The following PLXDC2 variants were observed in gnomAD, a reference collection of about 807,000 sequenced individuals.
The protein encoded by PLXDC2 is plexin domain containing 2.
Under a neutral mutation model 68.9 loss-of-function variants are expected in PLXDC2, and 40 were observed. That is an observed-to-expected ratio of 0.58 (90% CI 0.45 to 0.76). The LOEUF (loss-of-function observed/expected upper bound fraction) is 0.76, where lower values mean the gene tolerates loss of function less well. Among genes scored for constraint, PLXDC2 ranks in the 30% least tolerant of loss-of-function variants. The probability of loss-of-function intolerance (pLI) is 0.00; values close to 1 mark genes in which losing one functional copy is unlikely to be tolerated. For missense variants in PLXDC2, 644 were observed against 661.9 expected (o/e 0.97, Z 0.30); for synonymous variants, 243 against 234.2 (o/e 1.04, Z -0.34).
In PLXDC2 at chr10:20,285,967, A is replaced by C. The variant is rs559392269; in HGVS notation, c.*6148A>C. 3 of 152,348 alleles carry C rather than the reference A, an allele frequency of 2.0e-5. No individual in the cohort carries two copies. Among genetic ancestry groups the C allele is most frequent in the African/African-American group, 7.2e-5 (3 of 41,590 alleles). The allele number at this position is 152,348 out of a possible 1,614,324, so 9.4% of individuals were successfully genotyped here. ...AACTTAAATTGTAATACATCTGCCT[A>C]ATTATTGTCTGGAATAACTTTTCAA... is the stretch of plus-strand genomic sequence containing the variant. On this transcript the variant is annotated 3_prime_UTR_variant, in exon 14 of 14. Coordinates refer to ENST00000377252, the MANE Select transcript of PLXDC2 (RefSeq NM_032812.9).
At chr10:19,946,402 C>T (rs1182789769) in intron 1 of PLXDC2, among the ~76,000 whole-genome samples, 1 of 152,116 alleles carries the variant, frequency 6.6e-6, no homozygotes, top group East Asian at 1.9e-4. Flanking sequence ...GAAACCTTTC[C>T]CTCCCCTGAC....
intron 4 of PLXDC2, among the ~76,000 whole-genome samples, chr10:20,096,059 T>A (rs1833345244): frequency 1.3e-5 from 2 of 152,204 alleles, no homozygotes; most frequent in Non-Finnish European, 1.5e-5. Context: ...TTCTTCTTCT[T>A]CTTTTCAAGA....
At chr10:20,254,786 C>T (rs1235033317) in intron 13 of PLXDC2, among the ~76,000 whole-genome samples, 1 of 152,084 alleles carries the variant, frequency 6.6e-6, no homozygotes, top group African/African-American at 2.4e-5. Context: ...AAAAGAGACA[C>T]TCTATGTATG....
At chr10:20,034,834 C>T (rs916987774) in intron 2 of PLXDC2, among the ~76,000 whole-genome samples, 3 of 152,190 alleles carry the variant, frequency 2.0e-5, no homozygotes, top group African/African-American at 7.2e-5. Context: ...AGTACAGTAA[C>T]CAGCTGTGCA....
rs144267539 is a variant in PLXDC2 at position 20,081,055 on chromosome 10, C to T, written c.541+12816C>T. Among the ~76,000 whole-genome samples the T allele has an allele frequency of 5.1e-3, 775 of 152,230 alleles. 14 individuals carry two copies. Among genetic ancestry groups the T allele is most frequent in the African/African-American group, 0.018 (730 of 41,540 alleles). ...TCCCAGTGAAGATGTGTGAAACTCC[C>T]GGATGGCTCTGCTGGAGCAAGGGAA... On this transcript the variant is annotated intron_variant, in intron 4 of 13. Coordinates refer to ENST00000377252, the MANE Select transcript of PLXDC2 (RefSeq NM_032812.9).
intron 9 of PLXDC2, among the ~76,000 whole-genome samples, chr10:20,191,507 C>G (rs1834764295): frequency 6.6e-6 from 1 of 151,114 alleles, no homozygotes; most frequent in Non-Finnish European, 1.5e-5. Flanking sequence ...ATGCCCTCAT[C>G]AGAATTATTC....
rs149646929 is a variant in PLXDC2, at chr10:19,951,994, C to T, written c.113-49781C>T. Among the ~76,000 whole-genome samples, 29 of 152,018 alleles carry T rather than the reference C, an allele frequency of 1.9e-4. No individual in the cohort carries two copies. In the East Asian group the frequency reaches 5.6e-3, roughly 30 times the overall value. ...GCAACAGTAGACACAGGAGACTACA[C>T]GGTGAGGGGGGAAGGAAGGGGAGCC... On this transcript the variant is annotated intron_variant, in intron 1 of 13. Transcript: ENST00000377252.
intron 13 of PLXDC2, among the ~76,000 whole-genome samples, chr10:20,278,532 A>T (rs1390250522): frequency 6.6e-6 from 1 of 152,176 alleles, no homozygotes; most frequent in Non-Finnish European, 1.5e-5. Context: ...ATGGAACTTA[A>T]TCAGCAAATA....
chr10:20,049,034 T>C (rs113108282), intron 3 of PLXDC2, among the ~76,000 whole-genome samples: 192 of 152,164 alleles, frequency 1.3e-3, no homozygotes, highest in African/African-American at 4.4e-3. Flanking sequence ...TTGTTAGAGG[T>C]TTTTATTTTA....
chr10:20,250,669 GT>G (rs1835664511), intron 13 of PLXDC2, among the ~76,000 whole-genome samples: 1 of 152,266 alleles, frequency 6.6e-6, no homozygotes, highest in Admixed American at 6.5e-5. Flanking sequence ...TGTATAAAGA[GT>G]TTTTCTTCAT....
intron 4 of PLXDC2, among the ~76,000 whole-genome samples, chr10:20,081,815 C>T (rs1012465455): frequency 1.3e-5 from 2 of 151,592 alleles, no homozygotes; most frequent in African/African-American, 2.4e-5. Context: ...TGAAGGTGGG[C>T]GGATCACAAG....
intron 2 of PLXDC2, among the ~76,000 whole-genome samples, chr10:20,008,436 C>T (rs1042278661): frequency 5.3e-5 from 8 of 152,072 alleles, no homozygotes; most frequent in Non-Finnish European, 8.8e-5. Flanking sequence ...TGTTGTAGTC[C>T]CAGATACTCG....
chr10:19,820,056 T>C (rs1836434763), intron 1 of PLXDC2, among the ~76,000 whole-genome samples: 1 of 152,246 alleles, frequency 6.6e-6, no homozygotes, highest in Non-Finnish European at 1.5e-5. Context: ...AGAGAACAGA[T>C]ACAAGTTTTG....
rs1486553372 is a variant in PLXDC2, at chr10:20,238,873, A to G, written c.1313-6472A>G. ...GTCTAAATATTGATCTGCATTTCATAAAGTGTTGAAAAGCAATGACACTCA... is the reference window on the plus strand; with the variant it reads ...GTCTAAATATTGATCTGCATTTCATGAAGTGTTGAAAAGCAATGACACTCA... On this transcript the variant is annotated intron_variant, in intron 12 of 13. Coordinates refer to ENST00000377252, the MANE Select transcript of PLXDC2 (RefSeq NM_032812.9). Among the ~76,000 whole-genome samples the G allele has an allele frequency of 2.6e-5, 4 of 151,390 alleles. No individual in the cohort carries two copies. In the East Asian group the frequency reaches 7.7e-4, roughly 29 times the overall value.
intron 12 of PLXDC2, among the ~76,000 whole-genome samples, chr10:20,236,892 C>T (rs573102458): frequency 6.6e-6 from 1 of 151,996 alleles, no homozygotes; most frequent in Non-Finnish European, 1.5e-5. Context: ...GATTGTTATC[C>T]CAAATCCCTC....
chr10:19,829,932 A>G (rs1836656068), intron 1 of PLXDC2, among the ~76,000 whole-genome samples: 1 of 152,220 alleles, frequency 6.6e-6, no homozygotes, highest in South Asian at 2.1e-4. Flanking sequence ...AGTAGTTTTA[A>G]ATTTCTGAGC....
intron 1 of PLXDC2, among the ~76,000 whole-genome samples, chr10:19,847,632 A>G (rs146471538): frequency 2.0e-5 from 3 of 152,342 alleles, no homozygotes; most frequent in African/African-American, 7.2e-5. Flanking sequence ...TTTGAAGATC[A>G]CTTTACTGCC....
chr10:20,251,381 G>T (rs1256799532), intron 13 of PLXDC2, among the ~76,000 whole-genome samples: 1 of 152,062 alleles, frequency 6.6e-6, no homozygotes, highest in African/African-American at 2.4e-5. Flanking sequence ...AAATAGCAGA[G>T]AATACATATT....
intron 9 of PLXDC2, among the ~76,000 whole-genome samples, chr10:20,178,123 A>G (rs1046050783): frequency 6.6e-6 from 1 of 152,158 alleles, no homozygotes; most frequent in African/African-American, 2.4e-5. Context: ...GTAAATTTCT[A>G]TGCAATATCT....
Sources: gnomAD v4.1 joint callset for allele counts (sites outside exome capture counted in the v4.1 genomes callset) on GRCh38, gnomAD v4.1.1 for gene constraint, MANE v1.5 for transcripts, NCBI Gene and HGNC (gene_info 2026-07-23, HGNC 2026-07-21) for gene names.